Variants in PARD3B observed in about 807,000 individuals in gnomAD.
PARD3B encodes the protein partitioning defective 3 homolog B.
A neutral mutation model predicts 130.2 loss-of-function variants in PARD3B; 103 were observed. The observed-to-expected ratio is 0.79, with a 90% CI of 0.67 to 0.93. The LOEUF (loss-of-function observed/expected upper bound fraction) is 0.93. PARD3B is among the 40% of genes least tolerant of loss of function. The probability of loss-of-function intolerance (pLI) is 0.00; values close to 1 mark genes in which losing one functional copy is unlikely to be tolerated. For missense variants in PARD3B, 1,609 were observed against 1,499.2 expected (o/e 1.07, Z -1.21); for synonymous variants, 583 against 553.2 (o/e 1.05, Z -0.76).
chr2:205,548,754 G>C (rs964948581), intron 21 of PARD3B, among the ~76,000 whole-genome samples: 1 of 152,080 alleles, frequency 6.6e-6, no homozygotes, highest in Non-Finnish European at 1.5e-5. Flanking sequence ...ATCTGTGAAA[G>C]ATAAAATTAA....
intron 13 of PARD3B, among the ~76,000 whole-genome samples, chr2:205,182,075 G>A (rs771399169): frequency 9.8e-5 from 15 of 152,292 alleles, no homozygotes; most frequent in Admixed American, 1.3e-4. Flanking sequence ...GGCAGATCAC[G>A]AGGTCAGGAG....
chr2:205,532,475 T>C (rs1452619977), intron 21 of PARD3B, among the ~76,000 whole-genome samples: 1 of 152,160 alleles, frequency 6.6e-6, no homozygotes. Flanking sequence ...CTATTGTTAT[T>C]GGCAGTGCTT....
intron 2 of PARD3B, among the ~76,000 whole-genome samples, chr2:204,867,822 C>G (rs1434374544): frequency 2.0e-5 from 3 of 152,116 alleles, no homozygotes; most frequent in Non-Finnish European, 2.9e-5. Flanking sequence ...ATAACTAAAT[C>G]CCATCGCTGC....
At chr2:205,018,749 A>AG (rs1222425326) in intron 3 of PARD3B, among the ~76,000 whole-genome samples, 4,553 of 119,994 alleles carry the variant, frequency 0.038, 268 homozygotes, top group Non-Finnish European at 0.059. Flanking sequence ...AAAAAAAAAA[A>AG]AGCACGCTGA....
chr2:205,509,751 G>A (rs73985037), intron 21 of PARD3B, among the ~76,000 whole-genome samples: 22 of 152,330 alleles, frequency 1.4e-4, no homozygotes, highest in African/African-American at 4.8e-4. Context: ...CACGTATGGA[G>A]CCCAAGCTTA....
At chr2:205,038,925 G>A (rs904098736) in intron 3 of PARD3B, among the ~76,000 whole-genome samples, 6 of 152,060 alleles carry the variant, frequency 3.9e-5, no homozygotes, top group African/African-American at 1.4e-4. Flanking sequence ...CCTTAGTGTG[G>A]TTTTCGCATC....
At chr2:205,380,125 T>TATATATTATATAAAGA (rs2045260509) in intron 18 of PARD3B, among the ~76,000 whole-genome samples, 1 of 97,330 alleles carries the variant, frequency 1.0e-5, no homozygotes, top group Non-Finnish European at 2.0e-5. Flanking sequence ...CATAATATAT[T>TATATATTATATAAAGA]ATATATATTA....
chr2:205,553,686 A>G (rs1575342809), intron 22 of PARD3B, among the ~76,000 whole-genome samples: 1 of 152,208 alleles, frequency 6.6e-6, no homozygotes, highest in Admixed American at 6.5e-5. Context: ...TAAAACTGGT[A>G]TCGAACATCC....
intron 18 of PARD3B, among the ~76,000 whole-genome samples, chr2:205,358,677 T>G (rs2044283057): frequency 6.6e-6 from 1 of 152,188 alleles, no homozygotes; most frequent in Non-Finnish European, 1.5e-5. Context: ...CTGACACTAT[T>G]CTTACCCAGT....
intron 18 of PARD3B, among the ~76,000 whole-genome samples, chr2:205,363,958 C>T (rs1453495148): frequency 2.6e-5 from 4 of 151,330 alleles, no homozygotes; most frequent in African/African-American, 9.7e-5. Context: ...TGAACCACCG[C>T]ACCCAGTCTC....
intron 10 of PARD3B, among the ~76,000 whole-genome samples, chr2:205,131,860 A>C (rs1158096847): frequency 6.6e-6 from 1 of 152,146 alleles, no homozygotes; most frequent in African/African-American, 2.4e-5. Context: ...AGATGTTGGG[A>C]TATCTATTAA....
chr2:204,563,584 T>G (rs1462969443), intron 1 of PARD3B, among the ~76,000 whole-genome samples: 2 of 152,216 alleles, frequency 1.3e-5, no homozygotes, highest in African/African-American at 4.8e-5. Context: ...TGCTCCAAAA[T>G]AGTCCACATA....
At chr2:204,800,093 A>G (rs2042513955) in intron 2 of PARD3B, among the ~76,000 whole-genome samples, 1 of 152,228 alleles carries the variant, frequency 6.6e-6, no homozygotes, top group South Asian at 2.1e-4. Flanking sequence ...ACAGAATTCA[A>G]AATAGCTGTT....
chr2:204,553,612 G>GTATATATATAT (rs1559152140), intron 1 of PARD3B, among the ~76,000 whole-genome samples: 1 of 88,462 alleles, frequency 1.1e-5, no homozygotes, highest in African/African-American at 4.4e-5. Flanking sequence ...GTATATATAT[G>GTATATATATAT]GCTATATACA....
intron 3 of PARD3B, among the ~76,000 whole-genome samples, chr2:204,971,983 T>C (rs1691759317): frequency 6.6e-6 from 1 of 152,180 alleles, no homozygotes; most frequent in Non-Finnish European, 1.5e-5. Flanking sequence ...TAGATTTTGT[T>C]TTCAGAGTAG....
rs1456531147 is a variant in PARD3B, at chr2:205,572,747, T to C, written c.3260+19344T>C. Among the ~76,000 whole-genome samples, 2 of 152,004 alleles carry C rather than the reference T, an allele frequency of 1.3e-5. No individual in the cohort carries two copies. The highest frequency in any genetic ancestry group is 4.8e-5 in the African/African-American group (2 of 41,366). ...ACAACAGAGGGAGAACCCCATCTCC[T>C]AAATAAATAAATTGGAGAGACAAGA... On this transcript the variant is annotated intron_variant, in intron 22 of 22. Transcript: ENST00000406610. This position sits in a 1 kb window ranked among gnomAD's most constrained non-coding sequence, Gnocchi z 4.2.
At chr2:204,766,251 T>C (rs1373012304) in intron 2 of PARD3B, among the ~76,000 whole-genome samples, 1 of 152,202 alleles carries the variant, frequency 6.6e-6, no homozygotes, top group Non-Finnish European at 1.5e-5. Context: ...ATTGATTTTA[T>C]GTTAAGTAGT....
rs2040455735 is a variant in PARD3B, at chr2:205,265,117, C to A, written c.2185+19295C>A. Reference sequence around the variant, plus strand: ...ATAGCTTACTTCAAATAAATTAATACTTCATTTTTTAGGCAAGAATGGTAA... The same window carrying A: ...ATAGCTTACTTCAAATAAATTAATAATTCATTTTTTAGGCAAGAATGGTAA... On this transcript the variant is annotated intron_variant, in intron 16 of 22. Coordinates refer to ENST00000406610, the MANE Select transcript of PARD3B (RefSeq NM_001302769.2). This position sits in a 1 kb window ranked among gnomAD's most constrained non-coding sequence, Gnocchi z 4.3. 7.1e-6 allele frequency among the ~76,000 whole-genome samples: 1 copy of A among 141,592 alleles called. No homozygotes were observed. Among genetic ancestry groups the A allele is most frequent in the African/African-American group, 2.6e-5 (1 of 38,710 alleles). The allele number at this position is 141,592 out of a possible 152,430, so 92.9% of individuals were successfully genotyped here.
intron 2 of PARD3B, among the ~76,000 whole-genome samples, chr2:204,796,236 A>T (rs952637324): frequency 2.6e-5 from 4 of 152,210 alleles, no homozygotes; most frequent in Non-Finnish European, 5.9e-5. Flanking sequence ...ATATGATCAA[A>T]TGGTTATGTT....
Sources: gnomAD v4.1 joint callset for allele counts (sites outside exome capture counted in the v4.1 genomes callset) on GRCh38, gnomAD v4.1.1 for gene constraint, Gnocchi (gnomAD v3.1) non-coding constraint, MANE v1.5 for transcripts, NCBI Gene and HGNC (gene_info 2026-07-23, HGNC 2026-07-21) for gene names.